The following CAMK2G variants were observed in gnomAD, a reference collection of about 807,000 sequenced individuals.
CAMK2G encodes the protein calcium/calmodulin dependent protein kinase II gamma, also known as calcium/calmodulin-dependent protein kinase type II subunit gamma.
A neutral mutation model predicts 88.7 loss-of-function variants in CAMK2G; 23 were observed. The observed-to-expected ratio is 0.26, with a 90% CI of 0.19 to 0.37. CAMK2G has a LOEUF of 0.37. Ranked by LOEUF, CAMK2G falls within the 10% of genes least tolerant of loss-of-function variation. The pLI is 1.00. For missense variants in CAMK2G, 476 were observed against 780.8 expected, an observed-to-expected ratio of 0.61 and a Z score of 4.65; for synonymous variants, 263 against 294.8, an observed-to-expected ratio of 0.89 and a Z score of 1.11.
intron 14 of CAMK2G, among the ~76,000 whole-genome samples, chr10:73,828,733 G>C (rs750344275): frequency 3.3e-5 from 5 of 152,072 alleles, no homozygotes; most frequent in Admixed American, 6.5e-5. Flanking sequence ...ATTTTTTATT[G>C]CATTTTGCAA....
rs1412754798 is a variant in CAMK2G, at chr10:73,824,099, G to A, written c.1156-15C>T. On this transcript the variant is annotated splice_polypyrimidine_tract_variant and intron_variant, in intron 16 of 22. Transcript: ENST00000423381. The stretch of plus-strand genomic sequence containing the variant: ...GTTTGTGGCTCCTGTGAGAGAAGAT[G>A]AAGATTACCCTTCCGACTTGGGGAC... 1.9e-6 allele frequency: 3 copies of A among 1,608,804 alleles called. No homozygotes were observed. Among genetic ancestry groups the A allele is most frequent in the Non-Finnish European group, 2.6e-6 (3 of 1,175,390 alleles).
chr10:73,850,974 AC>A (rs922325220), intron 5 of CAMK2G, among the ~76,000 whole-genome samples: 20 of 151,310 alleles, frequency 1.3e-4, no homozygotes, highest in South Asian at 2.1e-4. Context: ...TGGTACAGTC[AC>A]CCCCCCTCAG....
chr10:73,817,202 G>A (rs1057371668), intron 20 of CAMK2G, 85 bp from the exon 21 acceptor site: 40 of 1,524,588 alleles, frequency 2.6e-5, no homozygotes, highest in Non-Finnish European at 3.5e-5. Context: ...CTATCCAGTA[G>A]CAGCAGGCTA....
rs762333285 is a variant in CAMK2G, at chr10:73,874,494, C to T, written c.-33G>A. 1.2e-5 allele frequency: 17 copies of T among 1,448,382 alleles called. No homozygotes were observed. The highest frequency in any genetic ancestry group is 1.5e-5 in the African/African-American group (1 of 68,590). The allele number at this position is 1,448,382 out of a possible 1,614,324, so 89.7% of individuals were successfully genotyped here. Reference sequence around the variant, plus strand: ...GGCGGGCGGACGCGGCGGTGCAGCCCGCGCCGACGTCGGTGCACAGTCACC... The same window carrying T: ...GGCGGGCGGACGCGGCGGTGCAGCCTGCGCCGACGTCGGTGCACAGTCACC... On this transcript the variant is annotated 5_prime_UTR_variant, in exon 1 of 23. Coordinates refer to ENST00000423381, the MANE Select transcript of CAMK2G (RefSeq NM_001367534.1).
chr10:73,824,419 G>C (rs1261199753), intron 16 of CAMK2G, among the ~76,000 whole-genome samples: 2 of 152,196 alleles, frequency 1.3e-5, no homozygotes, highest in African/African-American at 4.8e-5. Context: ...AGGTACACTA[G>C]AGGAGCTGTG....
chr10:73,831,721 G>T (rs901776603), intron 14 of CAMK2G, among the ~76,000 whole-genome samples: 4 of 151,446 alleles, frequency 2.6e-5, no homozygotes, highest in African/African-American at 4.9e-5. Flanking sequence ...TCAGCCGGGC[G>T]TGGTGGCACA....
chr10:73,815,311 C>A (rs2085025524), intron 21 of CAMK2G, 64 bp from the exon 22 acceptor site: 1 of 1,058,660 alleles, frequency 9.4e-7, no homozygotes, highest in Admixed American at 1.8e-5. Flanking sequence ...TTCCTCCCAG[C>A]CTGCACTTCC....
chr10:73,841,479 G>A (rs1183860952), intron 12 of CAMK2G, among the ~76,000 whole-genome samples: 1 of 152,178 alleles, frequency 6.6e-6, no homozygotes. Flanking sequence ...CAATAATAGG[G>A]GTTGGGGTGA....
At chr10:73,863,057 T>C (rs1456506336) in intron 2 of CAMK2G, among the ~76,000 whole-genome samples, 4 of 152,254 alleles carry the variant, frequency 2.6e-5, no homozygotes, top group East Asian at 3.8e-4. Context: ...GTAGGGATTA[T>C]GGACTAGAAG....
intron 21 of CAMK2G, 185 bp downstream of exon 21, chr10:73,816,838 C>A: frequency 6.4e-7 from 1 of 1,568,626 alleles, no homozygotes; most frequent in East Asian, 2.4e-5. Flanking sequence ...AGCTCAGGAG[C>A]AGGGCCTTCA....
In CAMK2G at chr10:73,865,740, T is replaced by C. The variant is rs371753255; in HGVS notation, c.161-4851A>G. 5.3e-5 allele frequency among the ~76,000 whole-genome samples: 8 copies of C among 152,128 alleles called. No individual in the cohort carries two copies. In the East Asian group the frequency reaches 1.5e-3, roughly 29 times the overall value. Reference sequence around the variant, plus strand: ...AGTGGGAGGGCCCTGGCTCGGCATCTCAAGGTGCTGCAAAGGTGTCTCCCC... The same window carrying C: ...AGTGGGAGGGCCCTGGCTCGGCATCCCAAGGTGCTGCAAAGGTGTCTCCCC... On this transcript the variant is annotated intron_variant, in intron 2 of 22. Transcript: ENST00000423381.
At chr10:73,873,619 A>C in intron 1 of CAMK2G, 1 of 719,002 alleles carries the variant, frequency 1.4e-6, no homozygotes, top group Non-Finnish European at 1.7e-6. Context: ...AACTGACAGC[A>C]AGGGAAGAGA....
intron 3 of CAMK2G, among the ~76,000 whole-genome samples, chr10:73,859,173 C>A (rs1218904241): frequency 6.6e-6 from 1 of 152,212 alleles, no homozygotes; most frequent in Non-Finnish European, 1.5e-5. Flanking sequence ...TGTTCTGGAA[C>A]TTCTAGGTTA....
intron 9 of CAMK2G, among the ~76,000 whole-genome samples, chr10:73,847,764 G>A (rs1311524292): frequency 6.6e-6 from 1 of 152,198 alleles, no homozygotes; most frequent in African/African-American, 2.4e-5. Flanking sequence ...GACTTCAGTG[G>A]ACTCCTCAAT....
intron 14 of CAMK2G, among the ~76,000 whole-genome samples, chr10:73,830,267 G>A (rs901435703): frequency 5.9e-5 from 9 of 152,260 alleles, no homozygotes; most frequent in South Asian, 2.1e-4. Flanking sequence ...TTGTCTAAAT[G>A]TGAGGTCTTT....
intron 5 of CAMK2G, among the ~76,000 whole-genome samples, chr10:73,851,758 G>GC (rs911505055): frequency 1.4e-5 from 2 of 145,302 alleles, no homozygotes; most frequent in Non-Finnish European, 3.1e-5. Flanking sequence ...TGTGGGGGGG[G>GC]GGAGGGGGAC....
Position 73,848,657 on chromosome 10 carries a change from C to A in CAMK2G, c.518-48G>T. ...GGCATACTGAACCCACTTTCTCTCT[C>A]GTTAAATCCACACCAGCCATTTCCC... On this transcript the variant is annotated intron_variant, in intron 7 of 22. Coordinates refer to ENST00000423381, the MANE Select transcript of CAMK2G (RefSeq NM_001367534.1). This position sits in a 1 kb window ranked among gnomAD's most constrained non-coding sequence, Gnocchi z 4.5. The A allele has an allele frequency of 9.2e-7, 1 of 1,082,558 alleles. No individual in the cohort carries two copies. Among genetic ancestry groups the A allele is most frequent in the East Asian group, 2.5e-5 (1 of 39,728 alleles). The allele number at this position is 1,082,558 out of a possible 1,614,324, so 67.1% of individuals were successfully genotyped here.
chr10:73,843,229 A>G (rs1190193183), intron 10 of CAMK2G, among the ~76,000 whole-genome samples: 1 of 151,860 alleles, frequency 6.6e-6, no homozygotes, highest in Non-Finnish European at 1.5e-5. Flanking sequence ...ACACCCAGCT[A>G]ATTTTTGTAT....
At chr10:73,850,373 G>A (rs965043223) in intron 5 of CAMK2G, among the ~76,000 whole-genome samples, 9 of 152,194 alleles carry the variant, frequency 5.9e-5, no homozygotes, top group South Asian at 2.1e-4. Flanking sequence ...GACAGGGAGC[G>A]GGGGCAGTCT....
Sources: gnomAD v4.1 joint callset for allele counts (sites outside exome capture counted in the v4.1 genomes callset) on GRCh38, gnomAD v4.1.1 for gene constraint, Gnocchi (gnomAD v3.1) non-coding constraint, MANE v1.5 for transcripts, NCBI Gene and HGNC (gene_info 2026-07-23, HGNC 2026-07-21) for gene names.